The following SCTR variants were observed in gnomAD, a reference collection of about 807,000 sequenced individuals.
The protein encoded by SCTR is pancreatic secretin receptor.
SCTR carries 56 observed loss-of-function variants against 60.8 expected under a neutral mutation model. The observed-to-expected ratio is 0.92, with a 90% CI of 0.74 to 1.15. SCTR has a LOEUF of 1.15. Among genes scored for constraint, SCTR ranks in the 50% most tolerant of loss-of-function variants. SCTR has a pLI of 0.00. For synonymous variants in SCTR, 202 were observed against 217.0 expected (o/e 0.93, Z 0.61); for missense variants, 562 against 550.4 (o/e 1.02, Z -0.21).
At chr2:119,466,179 G>A (rs1321423804) in intron 4 of SCTR, among the ~76,000 whole-genome samples, 1 of 152,032 alleles carries the variant, frequency 6.6e-6, no homozygotes, top group Non-Finnish European at 1.5e-5. Flanking sequence ...ACCTTTGCTT[G>A]AATACCTCTA....
At chr2:119,484,178 A>C (rs1677760317) in intron 2 of SCTR, among the ~76,000 whole-genome samples, 1 of 152,082 alleles carries the variant, frequency 6.6e-6, no homozygotes, top group Non-Finnish European at 1.5e-5. Flanking sequence ...GGCCACACTT[A>C]CTGAGCCACG....
At chr2:119,445,209 T>A (rs1284858072) in intron 11 of SCTR, among the ~76,000 whole-genome samples, 2 of 152,084 alleles carry the variant, frequency 1.3e-5, no homozygotes, top group Non-Finnish European at 2.9e-5. Flanking sequence ...TGGTCCCTTT[T>A]CTGAGCCAGG....
At position 119,443,461 on chromosome 2, in the gene SCTR, A is replaced by C. The variant is rs79258303; in HGVS notation, c.1141-1862T>G. Among the ~76,000 whole-genome samples, 1,306 of 152,330 alleles carry C rather than the reference A, an allele frequency of 8.6e-3. 17 individuals are homozygous for C. Among genetic ancestry groups the C allele is most frequent in the South Asian group, 0.017 (84 of 4,826 alleles). On this transcript the variant is annotated intron_variant, in intron 11 of 12. Transcript: ENST00000019103. Reference sequence around the variant, plus strand: ...TTATGACGTTCTAGATTTTTTTCTTATTATTTTTCTTTTTTTGAAAAACTT... The same window carrying C: ...TTATGACGTTCTAGATTTTTTTCTTCTTATTTTTCTTTTTTTGAAAAACTT...
At chr2:119,503,242 A>G (rs1289193271) in intron 1 of SCTR, among the ~76,000 whole-genome samples, 1 of 152,104 alleles carries the variant, frequency 6.6e-6, no homozygotes, top group East Asian at 1.9e-4. Flanking sequence ...GTAATCTTAA[A>G]TACAGATTGC....
At chr2:119,471,381 C>T (rs77555182) in intron 4 of SCTR, among the ~76,000 whole-genome samples, 2,323 of 152,276 alleles carry the variant, frequency 0.015, 65 homozygotes, top group African/African-American at 0.053. Flanking sequence ...TCCAAGACCA[C>T]GAGTGCTCAC....
At chr2:119,487,470 T>C (rs115325038) in intron 2 of SCTR, 1 of 152,180 alleles carries the variant, frequency 6.6e-6, no homozygotes, top group Admixed American at 6.5e-5. Context: ...GACCAGTGTC[T>C]TGCTCAAGGT....
chr2:119,454,170 G>T (rs1558839980), intron 7 of SCTR, among the ~76,000 whole-genome samples: 1 of 152,168 alleles, frequency 6.6e-6, no homozygotes, highest in African/African-American at 2.4e-5. Flanking sequence ...TGCTGTCTGG[G>T]GCAATGCCGC....
chr2:119,449,991 AG>A (rs1683087003), intron 9 of SCTR, among the ~76,000 whole-genome samples: 3 of 128,766 alleles, frequency 2.3e-5, no homozygotes, highest in Non-Finnish European at 5.0e-5. Flanking sequence ...GAAGGAAGGA[AG>A]GAAGAAAGAG....
At position 119,524,223 on chromosome 2, in the gene SCTR, G is replaced by C. The variant is rs766169775; in HGVS notation, c.4C>G (p.Arg2Gly). The change falls in exon 1 of 13, where the codon CGT (arginine) becomes GGT (glycine). Residue 2 changes from arginine to glycine, a missense_variant. By Grantham distance (125) the Arg-to-Gly change is moderately radical. Coordinates refer to ENST00000019103, the MANE Select transcript of SCTR (RefSeq NM_002980.3). M[R>G]PHLSPPLQQL... is the part of the protein sequence containing the mutation. Reference sequence around the variant, plus strand: ...TGCAGCGGCGGCGACAGGTGGGGACGCATGGTGCCCGCACGTTCCCCGAGG... The same window carrying C: ...TGCAGCGGCGGCGACAGGTGGGGACCCATGGTGCCCGCACGTTCCCCGAGG... 1 of 1,498,126 alleles carries C rather than the reference G, an allele frequency of 6.7e-7. No homozygotes were observed. 92.8% of individuals were successfully genotyped at this position (1,498,126 alleles called of 1,614,324 possible).
chr2:119,509,849 C>T (rs779174385), intron 1 of SCTR, among the ~76,000 whole-genome samples: 25 of 152,066 alleles, frequency 1.6e-4, no homozygotes, highest in African/African-American at 6.0e-4. Context: ...CTCTATTCTA[C>T]TTTCTGACTC....
At position 119,441,603 on chromosome 2, in the gene SCTR, C is replaced by T; in HGVS notation, c.1141-4G>A. On this transcript the variant is annotated splice_polypyrimidine_tract_variant and splice_region_variant and intron_variant, in intron 11 of 12. Coordinates refer to ENST00000019103, the MANE Select transcript of SCTR (RefSeq NM_002980.3). ...AGAGGACGGCCACCACCAGTCCCTG[C>T]CAGAAGAAGAGAGGTAGCAGGGTTA... The T allele has an allele frequency of 1.9e-6, 3 of 1,612,764 alleles. No homozygotes were observed. The highest frequency in any genetic ancestry group is 2.5e-6 in the Non-Finnish European group (3 of 1,179,356).
chr2:119,464,068 A>G, intron 6 of SCTR, 55 bp downstream of exon 6: 1 of 1,592,744 alleles, frequency 6.3e-7, no homozygotes. Flanking sequence ...CTCCAAAGCT[A>G]GGCTGGGGAA....
chr2:119,458,139 A>G (rs969095191), intron 7 of SCTR, among the ~76,000 whole-genome samples: 5 of 151,918 alleles, frequency 3.3e-5, no homozygotes, highest in Admixed American at 1.3e-4. Context: ...ACAAAAAATA[A>G]AAATAAGTAA....
intron 9 of SCTR, among the ~76,000 whole-genome samples, chr2:119,450,144 GCAA>G (rs1683105559): frequency 6.9e-6 from 1 of 143,926 alleles, no homozygotes; most frequent in African/African-American, 2.9e-5. Flanking sequence ...AAGGAAGGAA[GCAA>G]GGAAGCAAGC....
intron 1 of SCTR, among the ~76,000 whole-genome samples, chr2:119,508,813 T>C (rs1678844943): frequency 6.6e-6 from 1 of 152,222 alleles, no homozygotes; most frequent in Non-Finnish European, 1.5e-5. Flanking sequence ...TTATTTCACT[T>C]TTGTGTGTGC....
At chr2:119,449,979 A>G (rs200885577) in intron 9 of SCTR, among the ~76,000 whole-genome samples, 24 of 15,672 alleles carry the variant, frequency 1.5e-3, no homozygotes, top group Admixed American at 2.1e-3. Flanking sequence ...GAGGGAGGGA[A>G]GGAAGGAAGG....
At position 119,446,635 on chromosome 2, in the gene SCTR, C is replaced by G. The variant is rs79545338; in HGVS notation, c.1140+124G>C. The G allele has an allele frequency of 0.011, 10,610 of 955,118 alleles. 647 individuals are homozygous for G. The African/African-American group carries it at 0.15, about 13-fold the overall frequency. The allele number at this position is 955,118 out of a possible 1,614,324, so 59.2% of individuals were successfully genotyped here. A position where few individuals can be genotyped will look rare whatever the true frequency, so the allele number is the denominator to read the frequency against. ...GACCTGTAGCACTGTCAGGTCCGAC[C>G]CCTTCTTCCCCTGGGTCTCTGCCAG... is the stretch of plus-strand genomic sequence containing the variant. On this transcript the variant is annotated intron_variant, in intron 11 of 12. Coordinates refer to ENST00000019103, the MANE Select transcript of SCTR (RefSeq NM_002980.3).
At chr2:119,443,329 G>T (rs1379222794) in intron 11 of SCTR, among the ~76,000 whole-genome samples, 3 of 152,188 alleles carry the variant, frequency 2.0e-5, no homozygotes, top group African/African-American at 4.8e-5. Context: ...AAACAAGCAA[G>T]ATACAAAACC....
intron 7 of SCTR, among the ~76,000 whole-genome samples, chr2:119,459,677 G>C (rs531892333): frequency 6.6e-6 from 1 of 152,036 alleles, no homozygotes; most frequent in Admixed American, 6.6e-5. Flanking sequence ...CAGGGCTGGC[G>C]TACAGTAGAT....
Sources: allele counts gnomAD v4.1 joint callset (sites outside exome capture counted in the v4.1 genomes callset), GRCh38; gene constraint gnomAD v4.1.1; transcripts MANE v1.5; gene names NCBI Gene and HGNC (gene_info 2026-07-23, HGNC 2026-07-21).